The following CSMD1 variants were observed in gnomAD, a reference collection of about 807,000 sequenced individuals.
The protein encoded by CSMD1 is CUB and Sushi multiple domains 1.
CSMD1 carries 213 observed loss-of-function variants against 417.5 expected under a neutral mutation model. The ratio of observed to expected loss-of-function variants is 0.51; its 90% CI spans 0.46 to 0.57. The LOEUF (loss-of-function observed/expected upper bound fraction) is 0.57. Among genes scored for constraint, CSMD1 ranks in the 20% least tolerant of loss-of-function variants. The pLI is 0.00. For synonymous variants in CSMD1, 2,862 were observed against 1,736.8 expected, an observed-to-expected ratio of 1.65 and a Z score of -16.11; for missense variants, 6,923 against 4,529.7, an observed-to-expected ratio of 1.53 and a Z score of -15.17.
intron 3 of CSMD1, among the ~76,000 whole-genome samples, chr8:4,286,446 T>C (rs1437154786): frequency 6.6e-6 from 1 of 152,144 alleles, no homozygotes. Flanking sequence ...GTTTAGTCGG[T>C]TGCAATATGA....
chr8:3,675,314 C>T (rs183075394), intron 7 of CSMD1, among the ~76,000 whole-genome samples: 5 of 152,290 alleles, frequency 3.3e-5, no homozygotes, highest in East Asian at 3.9e-4. Context: ...CACATCCTCA[C>T]GTCTCCACTG....
At chr8:3,913,485 G>A (rs1216278991) in intron 5 of CSMD1, among the ~76,000 whole-genome samples, 1 of 152,170 alleles carries the variant, frequency 6.6e-6, no homozygotes, top group Non-Finnish European at 1.5e-5. Flanking sequence ...CCCTTGGAAT[G>A]TGTCCCAGAA....
chr8:3,313,101 T>TC (rs1477821216), intron 23 of CSMD1, among the ~76,000 whole-genome samples: 1 of 152,200 alleles, frequency 6.6e-6, no homozygotes, highest in Non-Finnish European at 1.5e-5. Flanking sequence ...AAAGAATGTT[T>TC]CCATGTTTTA....
Position 3,493,723 on chromosome 8 carries a change from T to C in CSMD1, c.1348A>G (p.Ile450Val), listed in dbSNP as rs1369420090. Residue 450 changes from isoleucine (I) to valine (V), a missense_variant, in exon 11 of 70, where the codon ATC becomes GTC. Physicochemically the swap from Ile to Val is conservative, Grantham distance 29 (BLOSUM62 3). Coordinates refer to ENST00000635120, the MANE Select transcript of CSMD1 (RefSeq NM_033225.6). ...TCAAACTCTTCAAAGGCAAGCTTGATGACCTAAATACAAGGTACGAAACAG... is the reference window on the plus strand; with the variant it reads ...TCAAACTCTTCAAAGGCAAGCTTGACGACCTAAATACAAGGTACGAAACAG... ...VITTTDPDKVIKLAFEEFELE... is the reference protein window; with the variant it reads ...VITTTDPDKVVKLAFEEFELE... The C allele has an allele frequency of 6.2e-7, 1 of 1,608,964 alleles. No homozygotes were observed. The highest frequency in any genetic ancestry group is 8.5e-7 in the Non-Finnish European group (1 of 1,177,556).
At chr8:4,898,281 T>C (rs965529600) in intron 1 of CSMD1, among the ~76,000 whole-genome samples, 1 of 152,028 alleles carries the variant, frequency 6.6e-6, no homozygotes, top group African/African-American at 2.4e-5. Context: ...AAAAATAAAA[T>C]GTTCATTTTG....
chr8:3,270,149 A>T (rs937371327), intron 26 of CSMD1, among the ~76,000 whole-genome samples: 2 of 148,176 alleles, frequency 1.3e-5, no homozygotes, highest in African/African-American at 4.9e-5. Flanking sequence ...TCCCGGGTTC[A>T]AGCGATTCTC....
At chr8:4,896,099 T>C (rs535385595) in intron 1 of CSMD1, among the ~76,000 whole-genome samples, 35 of 152,252 alleles carry the variant, frequency 2.3e-4, no homozygotes, top group African/African-American at 8.2e-4. Flanking sequence ...GAAAATTTTT[T>C]TCTGCCTTCT....
intron 3 of CSMD1, among the ~76,000 whole-genome samples, chr8:4,228,476 A>G (rs1434971195): frequency 1.3e-5 from 2 of 151,800 alleles, no homozygotes; most frequent in Admixed American, 6.6e-5. Context: ...CACAGCTTCC[A>G]CTGTATCCTC....
intron 2 of CSMD1, among the ~76,000 whole-genome samples, chr8:4,593,391 C>T (rs1011187478): frequency 1.3e-5 from 2 of 152,100 alleles, no homozygotes; most frequent in South Asian, 4.1e-4. Flanking sequence ...AATTTTAGTG[C>T]TAATTATGTA....
chr8:4,205,491 C>G (rs1320314795), intron 3 of CSMD1, among the ~76,000 whole-genome samples: 2 of 152,162 alleles, frequency 1.3e-5, no homozygotes, highest in Non-Finnish European at 2.9e-5. Flanking sequence ...TACAAACAAG[C>G]CACTCGAGGT....
At chr8:4,240,836 G>A (rs1417538579) in intron 3 of CSMD1, among the ~76,000 whole-genome samples, 2 of 152,094 alleles carry the variant, frequency 1.3e-5, no homozygotes, top group African/African-American at 4.8e-5. Flanking sequence ...CTATGTGAGG[G>A]CGTAGCATGG....
At chr8:4,102,786 G>A (rs1047870094) in intron 3 of CSMD1, among the ~76,000 whole-genome samples, 1 of 152,176 alleles carries the variant, frequency 6.6e-6, no homozygotes, top group Non-Finnish European at 1.5e-5. Context: ...AAAGGAAGAT[G>A]ATTTTTCTCC....
At chr8:4,496,304 G>C (rs1041067059) in intron 2 of CSMD1, among the ~76,000 whole-genome samples, 1 of 152,164 alleles carries the variant, frequency 6.6e-6, no homozygotes. Context: ...GTGAACAATG[G>C]TTCAGGATCA....
At chr8:4,970,916 G>C (rs926661201) in intron 1 of CSMD1, among the ~76,000 whole-genome samples, 1 of 152,056 alleles carries the variant, frequency 6.6e-6, no homozygotes, top group Admixed American at 6.6e-5. Flanking sequence ...TGTAATAAAG[G>C]TTGGAGTTAC....
intron 7 of CSMD1, among the ~76,000 whole-genome samples, chr8:3,674,154 G>C (rs987956204): frequency 4.9e-4 from 74 of 152,094 alleles, no homozygotes; most frequent in African/African-American, 1.7e-3. Context: ...TCAATGTTGA[G>C]CAACATTCAT....
chr8:4,037,371 T>C (rs974804974), intron 3 of CSMD1, among the ~76,000 whole-genome samples: 1 of 152,208 alleles, frequency 6.6e-6, no homozygotes, highest in African/African-American at 2.4e-5. Context: ...GTAACAGCAA[T>C]GGCCATCAGC....
At chr8:3,839,534 G>C (rs1802974742) in intron 5 of CSMD1, among the ~76,000 whole-genome samples, 1 of 67,496 alleles carries the variant, frequency 1.5e-5, no homozygotes, top group Non-Finnish European at 3.1e-5. Flanking sequence ...TATATGTTAA[G>C]ATTTTATATA....
chr8:2,996,013 C>G (rs950526318), intron 54 of CSMD1, among the ~76,000 whole-genome samples: 1 of 152,132 alleles, frequency 6.6e-6, no homozygotes, highest in African/African-American at 2.4e-5. Flanking sequence ...CTAATACCCT[C>G]TAAGTTTGCA....
At chr8:3,794,175 C>G (rs892282563) in intron 5 of CSMD1, among the ~76,000 whole-genome samples, 26 of 152,118 alleles carry the variant, frequency 1.7e-4, no homozygotes, top group Non-Finnish European at 3.7e-4. Flanking sequence ...CTTTATGTTA[C>G]TCAAAGCTTG....
Sources: gnomAD v4.1 joint callset for allele counts (sites outside exome capture counted in the v4.1 genomes callset) on GRCh38, gnomAD v4.1.1 for gene constraint, MANE v1.5 for transcripts, NCBI Gene and HGNC (gene_info 2026-07-23, HGNC 2026-07-21) for gene names.